Variants in HPS4 observed in about 807,000 individuals in gnomAD.
HPS4 encodes BLOC-3 complex member HPS4.
In HPS4, 44 loss-of-function variants were observed where a neutral mutation model predicts 70.3. That is an observed-to-expected ratio of 0.63 (90% CI 0.49 to 0.80). HPS4 has a LOEUF of 0.80. Ranked by LOEUF, HPS4 falls within the 30% of genes least tolerant of loss-of-function variation. The pLI, the probability that HPS4 is intolerant of heterozygous loss-of-function variation, is 0.00. For synonymous variants in HPS4, 377 were observed against 355.9 expected (o/e 1.06, Z -0.67); for missense variants, 873 against 884.4 (o/e 0.99, Z 0.16).
Position 26,472,300 on chromosome 22 carries a change from A to C in HPS4, c.501+2T>G. The C allele has an allele frequency of 6.5e-7, 1 of 1,535,918 alleles. No homozygotes were observed. Among genetic ancestry groups the C allele is most frequent in the Non-Finnish European group, 9.0e-7 (1 of 1,108,696 alleles). ...AATGAATAAGGAGGATGAAAATGTT[A>C]CTTTAGTTTGGTCCAAGTTCCAGAG... On this transcript the variant is annotated splice_donor_variant, in intron 6 of 13. Coordinates refer to ENST00000398145, the MANE Select transcript of HPS4 (RefSeq NM_022081.6). LOFTEE classifies it high-confidence loss of function.
chr22:26,464,765 TCCCAC>T lies in HPS4; in HGVS notation c.860_864del (p.Gly287GlufsTer27), dbSNP rs1569067281. The T allele has an allele frequency of 6.3e-7, 1 of 1,585,990 alleles. No individual in the cohort carries two copies. Among genetic ancestry groups the T allele is most frequent in the Admixed American group, 1.8e-5 (1 of 56,902 alleles). ...GCGTTTTCTTTCAGGGCAGATGTGC[TCCCAC>T]CCTTTGGATGGTGCTGGGCTGAACC... is the stretch of plus-strand genomic sequence containing the variant. On this transcript the variant is annotated frameshift_variant, in exon 11 of 14. Coordinates refer to ENST00000398145, the MANE Select transcript of HPS4 (RefSeq NM_022081.6). LOFTEE classifies it high-confidence loss of function.
rs572709004 is a variant in HPS4, at chr22:26,477,187, T to G, written c.133-51A>C. The G allele has an allele frequency of 1.7e-5, 27 of 1,605,240 alleles. 1 individual carries two copies. In the South Asian group the frequency reaches 3.0e-4, roughly 18 times the overall value. ...TAGGAAGCTGAAATTCTTGAACTCTTAAGTCATTTCTTACAGCATACTAAA... is the reference window on the plus strand; with the variant it reads ...TAGGAAGCTGAAATTCTTGAACTCTGAAGTCATTTCTTACAGCATACTAAA... On this transcript the variant is annotated intron_variant, in intron 3 of 13. Transcript: ENST00000398145.
chr22:26,481,839 G>A lies in HPS4; in HGVS notation c.-77C>T, dbSNP rs1266781501. 9 of 1,388,772 alleles carry A rather than the reference G, an allele frequency of 6.5e-6. No homozygotes were observed. The highest frequency in any genetic ancestry group is 2.3e-5 in the East Asian group (1 of 43,806). 86.0% of individuals were successfully genotyped at this position (1,388,772 alleles called of 1,614,324 possible). ...CACTTCTTTCTCCCTAGCTGTGACC[G>A]TTCCTCTATCCCCCAATCCAGTGAA... On this transcript the variant is annotated 5_prime_UTR_variant, in exon 2 of 14. It adds an upstream start codon to the 5' untranslated region. Transcript: ENST00000398145.
chr22:26,449,347 T>G (rs1317331602), downstream of HPS4, among the ~76,000 whole-genome samples: 1 of 132,142 alleles, frequency 7.6e-6, no homozygotes, highest in Non-Finnish European at 1.5e-5. Flanking sequence ...TTTTTTTTTT[T>G]GAGACAGAGT....
chr22:26,451,515 C>T lies in HPS4; in HGVS notation c.*1718G>A, dbSNP rs924211203. On this transcript the variant is annotated 3_prime_UTR_variant, in exon 14 of 14. Transcript: ENST00000398145. ...GGACTTTACTTTTTCTGAGTTAATC[C>T]AGGTGCATGAGACTTTTCCATATAC... The T allele has an allele frequency of 1.3e-5, 2 of 152,154 alleles. No homozygotes were observed. The highest frequency in any genetic ancestry group is 2.9e-5 in the Non-Finnish European group (2 of 68,038). The allele number at this position is 152,154 out of a possible 1,614,324, so 9.4% of individuals were successfully genotyped here.
In HPS4 at chr22:26,464,497, T is replaced by C; in HGVS notation, c.1133A>G (p.Gln378Arg). ...ATGACCTGAGGCCATTTCCACTTCC[T>C]GAGCCTCTGGAATGTGGATTTCAGA... ...DLSEIHIPEAQEVEMASGHFA... is the reference protein window; with the variant it reads ...DLSEIHIPEAREVEMASGHFA... The change falls in exon 11 of 14, where the codon CAG becomes CGG. Residue 378 changes from glutamine to arginine, a missense_variant. Coordinates refer to ENST00000398145, the MANE Select transcript of HPS4 (RefSeq NM_022081.6). 1.9e-6 allele frequency: 3 copies of C among 1,614,102 alleles called. No homozygotes were observed. Among genetic ancestry groups the C allele is most frequent in the Non-Finnish European group, 2.5e-6 (3 of 1,179,918 alleles).
At chr22:26,447,142 A>C (rs1380353418), downstream of HPS4, among the ~76,000 whole-genome samples, 1 of 152,184 alleles carries the variant, frequency 6.6e-6, no homozygotes, top group African/African-American at 2.4e-5. Flanking sequence ...AGATCTGACC[A>C]ATCAGTCTTC....
intron 13 of HPS4, among the ~76,000 whole-genome samples, chr22:26,454,831 A>C (rs1211478227): frequency 1.3e-5 from 2 of 152,198 alleles, no homozygotes; most frequent in Non-Finnish European, 2.9e-5. Context: ...CAACCTACTC[A>C]TCTGACAAAG....
At chr22:26,472,693 T>G in intron 5 of HPS4, 139 bp downstream of exon 5, 1 of 804,348 alleles carries the variant, frequency 1.2e-6, no homozygotes, top group Non-Finnish European at 2.2e-6. Flanking sequence ...ATGAGGGGCC[T>G]CCAAGAGCTC....
chr22:26,472,994 C>T, intron 4 of HPS4, 55 bp from the exon 5 acceptor site: 1 of 1,518,212 alleles, frequency 6.6e-7, no homozygotes, highest in South Asian at 1.1e-5. Context: ...GAGTCCAAGC[C>T]CAGAATCCTG....
At chr22:26,477,345 A>G (rs1397011362) in intron 3 of HPS4, among the ~76,000 whole-genome samples, 1 of 152,210 alleles carries the variant, frequency 6.6e-6, no homozygotes, top group African/African-American at 2.4e-5. Flanking sequence ...AAAGCCTAAA[A>G]TATTTACTTT....
chr22:26,483,592 A>C, intron 1 of HPS4, 82 bp downstream of exon 1: 6 of 229,894 alleles, frequency 2.6e-5, no homozygotes, highest in East Asian at 9.2e-5. Context: ...GCGAACGCCT[A>C]AGGATTAGGC....
At chr22:26,479,587 G>A (rs1053242846) in intron 2 of HPS4, 17 of 1,362,820 alleles carry the variant, frequency 1.2e-5, no homozygotes, top group Non-Finnish European at 1.4e-5. Context: ...ACCATCTGCC[G>A]GAGAAGACAC....
chr22:26,449,709 C>T (rs1298986168), downstream of HPS4, among the ~76,000 whole-genome samples: 4 of 152,188 alleles, frequency 2.6e-5, no homozygotes, highest in Non-Finnish European at 4.4e-5. Context: ...TCACGCCCTC[C>T]GTGCTCTGTG....
chr22:26,482,536 T>C (rs2091391571), intron 1 of HPS4, among the ~76,000 whole-genome samples: 1 of 152,158 alleles, frequency 6.6e-6, no homozygotes, highest in South Asian at 2.1e-4. Flanking sequence ...GGAACCCAAA[T>C]TAAGGAACTG....
At chr22:26,480,001 C>A (rs929975555) in intron 2 of HPS4, among the ~76,000 whole-genome samples, 2 of 152,202 alleles carry the variant, frequency 1.3e-5, no homozygotes, top group South Asian at 2.1e-4. Context: ...CCTCATTAAC[C>A]GTCTCCTGAT....
intron 3 of HPS4, 38 bp downstream of exon 3, chr22:26,479,227 G>A: frequency 6.2e-7 from 1 of 1,609,526 alleles, no homozygotes; most frequent in Non-Finnish European, 8.5e-7. Context: ...TGGAGGCACT[G>A]GGATCCTCAC....
Position 26,460,398 on chromosome 22 carries a change from C to T in HPS4, c.1714-1821G>A, listed in dbSNP as rs373553053. ...ATGTGTGTGTGTGCATGTGCCGACA[C>T]GCACACGGGCACACATAAGCATTCA... On this transcript the variant is annotated intron_variant, in intron 11 of 13. Transcript: ENST00000398145. 5.3e-5 allele frequency among the ~76,000 whole-genome samples: 8 copies of T among 152,374 alleles called. No homozygotes were observed. The South Asian group carries it at 6.2e-4, about 12-fold the overall frequency.
Position 26,464,242 on chromosome 22 carries a change from C to A in HPS4, c.1388G>T (p.Arg463Ile). The change falls in exon 11 of 14, where the codon AGA (arginine) becomes ATA (isoleucine). Residue 463 changes from arginine to isoleucine, a missense_variant. Arg to Ile is a moderately conservative substitution (Grantham distance 97). Coordinates refer to ENST00000398145, the MANE Select transcript of HPS4 (RefSeq NM_022081.6). ...CAATAACAAGGGCCTGCGGGTCCTT[C>A]TGGGGAGAGGGTCTGCTCTGGGAAT... ...APIPRADPLP[R>I]RTRRPLLLPR... 1 of 1,614,172 alleles carries A rather than the reference C, an allele frequency of 6.2e-7. No homozygotes were observed. Among genetic ancestry groups the A allele is most frequent in the Non-Finnish European group, 8.5e-7 (1 of 1,180,034 alleles).
Sources: allele counts gnomAD v4.1 joint callset (sites outside exome capture counted in the v4.1 genomes callset), GRCh38; gene constraint gnomAD v4.1.1; transcripts MANE v1.5; gene names NCBI Gene and HGNC (gene_info 2026-07-23, HGNC 2026-07-21).